ADGRL3: variants seen among roughly 807,000 people sequenced by gnomAD.
ADGRL3 encodes the protein adhesion G protein-coupled receptor L3.
In ADGRL3, 62 loss-of-function variants were observed where a neutral mutation model predicts 153.5. The ratio of observed to expected loss-of-function variants is 0.40; its 90% CI spans 0.33 to 0.50. The LOEUF (loss-of-function observed/expected upper bound fraction) is 0.50. Among genes scored for constraint, ADGRL3 ranks in the 20% least tolerant of loss-of-function variants. ADGRL3 has a pLI of 0.47. For synonymous variants in ADGRL3, 710 were observed against 672.5 expected (o/e 1.06, Z -0.86); for missense variants, 1,641 against 1,859.4 (o/e 0.88, Z 2.16).
In ADGRL3 at chr4:61,402,310, T is replaced by A. The variant is rs186947996; in HGVS notation, c.-174+19121T>A. 1.8e-3 allele frequency among the ~76,000 whole-genome samples: 273 copies of A among 152,224 alleles called. 2 individuals carry two copies. The highest frequency in any genetic ancestry group is 6.4e-3 in the African/African-American group (264 of 41,556). ...TACCTGCATGAGAAAAGTTAGTGCT[T>A]AAATATTCAAAAAATTTTTTTAAAA... On this transcript the variant is annotated intron_variant, in intron 2 of 26. Transcript: ENST00000683033.
chr4:61,526,747 G>A lies in ADGRL3; in HGVS notation c.259+9229G>A, dbSNP rs189307343. Among the ~76,000 whole-genome samples, 25 of 152,138 alleles carry A rather than the reference G, an allele frequency of 1.6e-4. No homozygotes were observed. The East Asian group carries it at 3.5e-3, about 21-fold the overall frequency. On this transcript the variant is annotated intron_variant, in intron 4 of 26. Coordinates refer to ENST00000683033, the MANE Select transcript of ADGRL3 (RefSeq NM_001387552.1). ...CCACTGCAATTTAGCCTGGGCAACA[G>A]AGTAAGACCCTACCTCAAAAAATAA... is the stretch of plus-strand genomic sequence containing the variant.
At position 62,048,780 on chromosome 4, in the gene ADGRL3, T is replaced by A. The variant is rs184921521; in HGVS notation, c.3814+4231T>A. Reference sequence around the variant, plus strand: ...GTTGCCCAGGCTGGTCTTGAAGTCCTGGCCTCAAGCAGTCCGTCTGCCTCA... The same window carrying A: ...GTTGCCCAGGCTGGTCTTGAAGTCCAGGCCTCAAGCAGTCCGTCTGCCTCA... On this transcript the variant is annotated intron_variant, in intron 25 of 26. Transcript: ENST00000683033. 6.9e-3 allele frequency among the ~76,000 whole-genome samples: 1,047 copies of A among 151,792 alleles called. 6 individuals are homozygous for A. The highest frequency in any genetic ancestry group is 0.011 in the Non-Finnish European group (773 of 67,908).
At chr4:61,403,383 G>C (rs2096954716) in intron 2 of ADGRL3, among the ~76,000 whole-genome samples, 1 of 151,996 alleles carries the variant, frequency 6.6e-6, no homozygotes, top group African/African-American at 2.4e-5. Flanking sequence ...CCTGGAAATA[G>C]AATCAGCCAC....
chr4:61,395,251 G>A (rs1189755758), intron 2 of ADGRL3, among the ~76,000 whole-genome samples: 1 of 152,046 alleles, frequency 6.6e-6, no homozygotes, highest in East Asian at 1.9e-4. Flanking sequence ...CATTACACCA[G>A]TATCAGTCAG....
At chr4:61,540,681 A>G (rs557390403) in intron 4 of ADGRL3, among the ~76,000 whole-genome samples, 1 of 152,220 alleles carries the variant, frequency 6.6e-6, no homozygotes, top group African/African-American at 2.4e-5. Context: ...ATGTAGCGAT[A>G]CTTTTAGGGA....
At chr4:61,570,829 A>C (rs547226803) in intron 4 of ADGRL3, among the ~76,000 whole-genome samples, 1 of 152,180 alleles carries the variant, frequency 6.6e-6, no homozygotes, top group Non-Finnish European at 1.5e-5. Context: ...CATTTGCATT[A>C]TTTCTTGTCT....
intron 4 of ADGRL3, among the ~76,000 whole-genome samples, chr4:61,523,914 A>C (rs921983098): frequency 2.6e-5 from 4 of 152,134 alleles, no homozygotes; most frequent in African/African-American, 7.2e-5. Flanking sequence ...AAGAGTATGA[A>C]TAACTAGAAA....
intron 2 of ADGRL3, among the ~76,000 whole-genome samples, chr4:61,495,928 T>C (rs533343729): frequency 6.6e-6 from 1 of 152,342 alleles, no homozygotes; most frequent in South Asian, 2.1e-4. Flanking sequence ...ATCTATATGC[T>C]TACTGTTAAA....
chr4:61,593,347 GT>G (rs936844736), intron 5 of ADGRL3, among the ~76,000 whole-genome samples: 9 of 151,618 alleles, frequency 5.9e-5, no homozygotes, highest in East Asian at 1.9e-4. Context: ...TACCAGGGAG[GT>G]TTTTTTTGTT....
At chr4:62,004,517 G>A (rs2099151198) in intron 21 of ADGRL3, among the ~76,000 whole-genome samples, 1 of 151,800 alleles carries the variant, frequency 6.6e-6, no homozygotes, top group African/African-American at 2.4e-5. Context: ...GCTCAAAATT[G>A]TCTATGCAAA....
chr4:61,741,956 G>A (rs1244332232), intron 8 of ADGRL3, among the ~76,000 whole-genome samples: 1 of 152,198 alleles, frequency 6.6e-6, no homozygotes, highest in Non-Finnish European at 1.5e-5. Context: ...TGACTTATTT[G>A]TGAATAAGCT....
intron 1 of ADGRL3, among the ~76,000 whole-genome samples, chr4:61,291,144 T>G (rs1443528246): frequency 2.7e-5 from 4 of 150,334 alleles, no homozygotes; most frequent in African/African-American, 9.8e-5. Context: ...GTATTTTGAA[T>G]TTTAAAGGCC....
chr4:61,395,622 T>C lies in ADGRL3; in HGVS notation c.-174+12433T>C, dbSNP rs114807264. 3.5e-3 allele frequency among the ~76,000 whole-genome samples: 525 copies of C among 152,064 alleles called. 8 individuals are homozygous for C. The highest frequency in any genetic ancestry group is 0.011 in the African/African-American group (474 of 41,550). ...TGTTAATTTTACATGACAAATATAA[T>C]AAAAACATGAAGGTTTTAATAGGTA... On this transcript the variant is annotated intron_variant, in intron 2 of 26. Coordinates refer to ENST00000683033, the MANE Select transcript of ADGRL3 (RefSeq NM_001387552.1).
chr4:61,650,075 T>C (rs1470550573), intron 5 of ADGRL3, among the ~76,000 whole-genome samples: 1 of 152,130 alleles, frequency 6.6e-6, no homozygotes, highest in Non-Finnish European at 1.5e-5. Context: ...AATCAGTAAC[T>C]GTGGGAAAGT....
chr4:61,808,812 A>G (rs2097578305), intron 8 of ADGRL3, among the ~76,000 whole-genome samples: 1 of 142,408 alleles, frequency 7.0e-6, no homozygotes, highest in African/African-American at 2.8e-5. Flanking sequence ...TTTTTTAAGG[A>G]TCAGAGCTAC....
At chr4:61,322,057 C>T (rs1206101215) in intron 1 of ADGRL3, among the ~76,000 whole-genome samples, 3 of 152,170 alleles carry the variant, frequency 2.0e-5, no homozygotes, top group African/African-American at 7.2e-5. Flanking sequence ...TACAGTTCCA[C>T]ATGGCTGGGG....
At position 61,554,169 on chromosome 4, in the gene ADGRL3, G is replaced by GTATTTTATTTTATTTTATTTTATTT. The variant is rs71211394; in HGVS notation, c.260-33048_260-33024dup. 1.8e-3 allele frequency among the ~76,000 whole-genome samples: 256 copies of GTATTTTATTTTATTTTATTTTATTT among 138,822 alleles called. 2 individuals are homozygous for GTATTTTATTTTATTTTATTTTATTT. The highest frequency in any genetic ancestry group is 6.4e-3 in the African/African-American group (231 of 36,358). The allele number at this position is 138,822 out of a possible 152,430, so 91.1% of individuals were successfully genotyped here. A position where few individuals can be genotyped will look rare whatever the true frequency, so the allele number is the denominator to read the frequency against. On this transcript the variant is annotated intron_variant, in intron 4 of 26. Transcript: ENST00000683033. ...ATAAAAAATGTCTCTCCTAACTTAG[G>GTATTTTATTTTATTTTATTTTATTT]TATTTTATTTTATTTTATTTTATTT...
chr4:61,811,347 T>TTA (rs2097616767), intron 8 of ADGRL3, among the ~76,000 whole-genome samples: 1 of 152,144 alleles, frequency 6.6e-6, no homozygotes, highest in African/African-American at 2.4e-5. Flanking sequence ...AGTTTTTTTT[T>TTA]AATTATGTTG....
chr4:61,476,079 A>G (rs1436833104), intron 2 of ADGRL3, among the ~76,000 whole-genome samples: 1 of 152,174 alleles, frequency 6.6e-6, no homozygotes, highest in African/African-American at 2.4e-5. Flanking sequence ...TAGGAGTCAG[A>G]TATTCTGTTG....
Sources: gnomAD v4.1 joint callset for allele counts (sites outside exome capture counted in the v4.1 genomes callset) on GRCh38, gnomAD v4.1.1 for gene constraint, MANE v1.5 for transcripts, NCBI Gene and HGNC (gene_info 2026-07-23, HGNC 2026-07-21) for gene names.